The following PTPN14 variants were observed in gnomAD, a reference collection of about 807,000 sequenced individuals.
The protein encoded by PTPN14 is tyrosine-protein phosphatase non-receptor type 14.
PTPN14 carries 53 observed loss-of-function variants against 126.8 expected under a neutral mutation model. The observed-to-expected ratio is 0.42, with a 90% CI of 0.34 to 0.53. The LOEUF is 0.53. Among genes scored for constraint, PTPN14 ranks in the 20% least tolerant of loss-of-function variants. The pLI is 0.08. For synonymous variants in PTPN14, 630 were observed against 599.3 expected (o/e 1.05, Z -0.75); for missense variants, 1,257 against 1,552.9 (o/e 0.81, Z 3.20).
rs560828453 is a variant in PTPN14, at chr1:214,397,818, G to C, written c.758+95C>G. The C allele has an allele frequency of 9.1e-5, 91 of 997,516 alleles. 1 individual carries two copies. Among genetic ancestry groups the C allele is most frequent in the Admixed American group, 6.7e-4 (31 of 46,500 alleles). 61.8% of individuals were successfully genotyped at this position (997,516 alleles called of 1,614,324 possible). ...TGAGAGAAGTCAAATCTTATCCACA[G>C]TTTGGCTCTTAACTCATTTGGATGT... On this transcript the variant is annotated intron_variant, in intron 8 of 18. Coordinates refer to ENST00000366956, the MANE Select transcript of PTPN14 (RefSeq NM_005401.5).
chr1:214,532,691 C>G, intron 1 of PTPN14: 1 of 802,918 alleles, frequency 1.2e-6, no homozygotes, highest in Non-Finnish European at 2.2e-6. Context: ...AAGTATGAGA[C>G]AGACTCTCAG....
intron 1 of PTPN14, among the ~76,000 whole-genome samples, chr1:214,490,111 G>T (rs1246490564): frequency 6.6e-6 from 1 of 152,200 alleles, no homozygotes; most frequent in Non-Finnish European, 1.5e-5. Context: ...AAGGCTTTGA[G>T]CAAGTACAAA....
At chr1:214,483,470 AC>A (rs1445373206) in intron 1 of PTPN14, 2 of 837,466 alleles carry the variant, frequency 2.4e-6, no homozygotes, top group Non-Finnish European at 3.9e-6. Context: ...CTTGCCTGCG[AC>A]CCTTCCCCAC....
chr1:214,392,899 G>C (rs1392500652), intron 10 of PTPN14, among the ~76,000 whole-genome samples: 3 of 152,204 alleles, frequency 2.0e-5, no homozygotes, highest in African/African-American at 7.2e-5. Context: ...CATACTCTCG[G>C]ATGTGTCCAC....
intron 7 of PTPN14, among the ~76,000 whole-genome samples, chr1:214,398,695 A>G (rs1658945514): frequency 6.8e-6 from 1 of 146,632 alleles, no homozygotes; most frequent in Admixed American, 7.0e-5. Context: ...GGCCTCCCAA[A>G]GTGTTGGGAT....
chr1:214,491,202 A>G (rs2102418330), intron 1 of PTPN14, among the ~76,000 whole-genome samples: 1 of 152,214 alleles, frequency 6.6e-6, no homozygotes. Flanking sequence ...ATGATGTAGG[A>G]CTGAGAATGG....
chr1:214,378,843 C>T (rs764943457), intron 13 of PTPN14, among the ~76,000 whole-genome samples: 58 of 151,048 alleles, frequency 3.8e-4, no homozygotes, highest in Non-Finnish European at 6.8e-4. Flanking sequence ...TCACTGCATG[C>T]CACTGAGCTA....
In PTPN14 at chr1:214,370,970, T is replaced by C. The variant is rs118099064; in HGVS notation, c.3037-1279A>G. On this transcript the variant is annotated intron_variant, in intron 16 of 18. Coordinates refer to ENST00000366956, the MANE Select transcript of PTPN14 (RefSeq NM_005401.5). ...CCTTGCCTGGCTTCATTTGGTTTAA[T>C]TGAGTCTCCTTAAATTGGAAGCATA... Among the ~76,000 whole-genome samples the C allele has an allele frequency of 1.1e-3, 171 of 152,376 alleles. 5 individuals carry two copies. The East Asian group carries it at 0.031, about 28-fold the overall frequency.
chr1:214,368,402 T>C (rs1414910759), intron 17 of PTPN14, among the ~76,000 whole-genome samples: 2 of 152,062 alleles, frequency 1.3e-5, no homozygotes, highest in South Asian at 2.1e-4. Flanking sequence ...GGTTTCACCA[T>C]GTTGGCCACG....
intron 3 of PTPN14, among the ~76,000 whole-genome samples, chr1:214,449,233 C>T (rs960010281): frequency 1.3e-5 from 2 of 151,840 alleles, no homozygotes; most frequent in Non-Finnish European, 2.9e-5. Context: ...GTCTCGATCT[C>T]CTGACCTCGT....
intron 1 of PTPN14, among the ~76,000 whole-genome samples, chr1:214,548,887 A>G (rs1245040241): frequency 6.6e-6 from 1 of 152,204 alleles, no homozygotes; most frequent in Non-Finnish European, 1.5e-5. Context: ...AGCATGACAC[A>G]GTATGCACAA....
chr1:214,409,905 T>C (rs1659262360), intron 5 of PTPN14, among the ~76,000 whole-genome samples: 1 of 151,652 alleles, frequency 6.6e-6, no homozygotes, highest in African/African-American at 2.4e-5. Context: ...TGATGATTAG[T>C]GATGCTGGGC....
intron 1 of PTPN14, among the ~76,000 whole-genome samples, chr1:214,495,347 A>G (rs2102423116): frequency 6.6e-6 from 1 of 152,344 alleles, no homozygotes; most frequent in South Asian, 2.1e-4. Context: ...ACAATGCCTA[A>G]TAATTACCTA....
At chr1:214,452,018 G>T in intron 2 of PTPN14, 44 bp from the exon 3 acceptor site, 1 of 1,564,172 alleles carries the variant, frequency 6.4e-7, no homozygotes, top group Non-Finnish European at 8.7e-7. Flanking sequence ...CTCACCACAA[G>T]CATCCCAAGG....
rs1251684128 is a variant in PTPN14, at chr1:214,369,576, T to C, written c.3152A>G (p.Tyr1051Cys). ...CTTGACCTTCAAGCCCGTGGTTGCA[T>C]AGCAAACAGAATCCGTTCGAAACTT... is the stretch of plus-strand genomic sequence containing the variant. ...TTKFRTDSVC[Y>C]ATTGLKVKHL... Residue 1051 changes from tyrosine to cysteine, a missense_variant, in exon 17 of 19, where the codon TAT becomes TGT. This residue lies in a region of PTPN14 where 171 missense variants were observed against 229.8 expected (regional missense o/e 0.74). Coordinates refer to ENST00000366956, the MANE Select transcript of PTPN14 (RefSeq NM_005401.5). The C allele has an allele frequency of 2.5e-6, 4 of 1,614,088 alleles. No homozygotes were observed. Among genetic ancestry groups the C allele is most frequent in the South Asian group, 2.2e-5 (2 of 91,088 alleles).
chr1:214,359,093 C>G (rs1056872424), intron 18 of PTPN14, among the ~76,000 whole-genome samples: 25 of 152,078 alleles, frequency 1.6e-4, no homozygotes, highest in Non-Finnish European at 3.1e-4. Context: ...CAATTATAAT[C>G]TCACAGGACT....
At chr1:214,427,357 G>A (rs966712998) in intron 3 of PTPN14, among the ~76,000 whole-genome samples, 1 of 150,084 alleles carries the variant, frequency 6.7e-6, no homozygotes, top group East Asian at 1.9e-4. Context: ...CATGAAACCA[G>A]CATAAAATGT....
At chr1:214,398,881 G>A (rs1658950630) in intron 7 of PTPN14, among the ~76,000 whole-genome samples, 1 of 151,712 alleles carries the variant, frequency 6.6e-6, no homozygotes, top group South Asian at 2.1e-4. Flanking sequence ...CGATTCTCCT[G>A]CCTCAGCCTC....
At chr1:214,464,589 G>A (rs753356206) in intron 2 of PTPN14, 41 bp downstream of exon 2, 20 of 1,599,332 alleles carry the variant, frequency 1.3e-5, no homozygotes, top group East Asian at 9.0e-5. Flanking sequence ...TACCCAACAC[G>A]CATGCACGCG....
Sources: allele counts gnomAD v4.1 joint callset (sites outside exome capture counted in the v4.1 genomes callset), GRCh38; gene constraint gnomAD v4.1.1; regional missense constraint gnomAD v4.1.1; transcripts MANE v1.5; gene names NCBI Gene and HGNC (gene_info 2026-07-23, HGNC 2026-07-21).